INTS9: variants seen among roughly 807,000 people sequenced by gnomAD.
The protein encoded by INTS9 is protein related to CPSF subunits of 74 kDa.
A neutral mutation model predicts 79.7 loss-of-function variants in INTS9; 55 were observed. That is an observed-to-expected ratio of 0.69 (90% CI 0.56 to 0.86). The LOEUF is 0.86. Ranked by LOEUF, INTS9 falls within the 40% of genes least tolerant of loss-of-function variation. INTS9 has a pLI of 0.00. For missense variants in INTS9, 721 were observed against 831.5 expected, an observed-to-expected ratio of 0.87 and a Z score of 1.64; for synonymous variants, 319 against 325.2, an observed-to-expected ratio of 0.98 and a Z score of 0.20.
chr8:28,886,221 T>G (rs1810167463), intron 1 of INTS9, among the ~76,000 whole-genome samples: 1 of 152,210 alleles, frequency 6.6e-6, no homozygotes, highest in Non-Finnish European at 1.5e-5. Flanking sequence ...AAAAAATTTT[T>G]TTTTAACCAA....
At position 28,780,341 on chromosome 8, in the gene INTS9, C is replaced by G. The variant is rs116479237; in HGVS notation, c.1270+482G>C. On this transcript the variant is annotated intron_variant, in intron 12 of 16. Transcript: ENST00000521022. ...GACCTAGCATTCAAAGGGCTGGGCA[C>G]GCTACACTGATAAAATGATACAGTC... is the stretch of plus-strand genomic sequence containing the variant. The G allele has an allele frequency of 7.1e-6, 7 of 980,672 alleles. No individual in the cohort carries two copies. In the South Asian group the frequency reaches 1.4e-4, roughly 20 times the overall value. 60.7% of individuals were successfully genotyped at this position (980,672 alleles called of 1,614,324 possible). A position where few individuals can be genotyped will look rare whatever the true frequency, so the allele number is the denominator to read the frequency against.
At chr8:28,797,843 A>C (rs1804308932) in intron 8 of INTS9, among the ~76,000 whole-genome samples, 1 of 152,180 alleles carries the variant, frequency 6.6e-6, no homozygotes, top group Non-Finnish European at 1.5e-5. Context: ...TTTCTCTCCC[A>C]CCCAATTTCG....
At chr8:28,875,546 A>T (rs968818623) in intron 1 of INTS9, among the ~76,000 whole-genome samples, 1 of 152,058 alleles carries the variant, frequency 6.6e-6, no homozygotes, top group Non-Finnish European at 1.5e-5. Context: ...CAGGTTTGTT[A>T]CATAGGTAAA....
intron 6 of INTS9, among the ~76,000 whole-genome samples, chr8:28,827,957 C>T (rs1051401530): frequency 5.9e-5 from 9 of 152,102 alleles, no homozygotes; most frequent in African/African-American, 2.2e-4. Flanking sequence ...TCCTGGGAGT[C>T]TGGTGAGCAT....
At chr8:28,801,732 C>T (rs1420590767) in intron 8 of INTS9, among the ~76,000 whole-genome samples, 1 of 152,156 alleles carries the variant, frequency 6.6e-6, no homozygotes, top group Non-Finnish European at 1.5e-5. Context: ...CCCACCTCAG[C>T]TTCCCAAGTA....
chr8:28,772,514 A>G (rs767401429), intron 14 of INTS9, among the ~76,000 whole-genome samples: 1 of 152,082 alleles, frequency 6.6e-6, no homozygotes, highest in Non-Finnish European at 1.5e-5. Context: ...CTCCGTCTCA[A>G]AAAAAGACAT....
chr8:28,814,137 T>G (rs1460825647), intron 6 of INTS9, among the ~76,000 whole-genome samples: 1 of 151,922 alleles, frequency 6.6e-6, no homozygotes, highest in Non-Finnish European at 1.5e-5. Flanking sequence ...AGAAAAACGT[T>G]TTATCATTTG....
chr8:28,843,992 G>A (rs543958153), intron 4 of INTS9, among the ~76,000 whole-genome samples: 2 of 152,268 alleles, frequency 1.3e-5, no homozygotes, highest in African/African-American at 4.8e-5. Context: ...AGAACTGCGA[G>A]AGATCACTCT....
At chr8:28,832,805 T>C (rs2131162572) in intron 6 of INTS9, among the ~76,000 whole-genome samples, 1 of 151,522 alleles carries the variant, frequency 6.6e-6, no homozygotes, top group East Asian at 1.9e-4. Flanking sequence ...CTACTAAAAA[T>C]ACAAAAATTA....
intron 8 of INTS9, among the ~76,000 whole-genome samples, chr8:28,808,632 C>T (rs919468277): frequency 6.6e-6 from 1 of 152,192 alleles, no homozygotes; most frequent in African/African-American, 2.4e-5. Context: ...GTCCCTCTGC[C>T]AACTCTTCCT....
intron 2 of INTS9, among the ~76,000 whole-genome samples, chr8:28,850,574 C>G (rs1032549883): frequency 2.6e-5 from 4 of 152,098 alleles, no homozygotes; most frequent in Admixed American, 2.0e-4. Context: ...TATAATTGTC[C>G]AATCACCCTG....
At chr8:28,870,349 CTTTTTTTTTT>C (rs10580665) in intron 1 of INTS9, among the ~76,000 whole-genome samples, 1 of 80,576 alleles carries the variant, frequency 1.2e-5, no homozygotes, top group African/African-American at 4.8e-5. Flanking sequence ...CAGAAAAAAG[CTTTTTTTTTT>C]TTTTTTTTTT....
At chr8:28,845,401 G>C (rs1807450076) in intron 4 of INTS9, among the ~76,000 whole-genome samples, 2 of 152,108 alleles carry the variant, frequency 1.3e-5, no homozygotes, top group Middle Eastern at 3.2e-3. Context: ...ACTAATTTGT[G>C]CCCTAACATC....
intron 6 of INTS9, among the ~76,000 whole-genome samples, chr8:28,833,886 T>G (rs1272293661): frequency 1.3e-5 from 2 of 152,116 alleles, no homozygotes; most frequent in African/African-American, 2.4e-5. Flanking sequence ...ACCATGTTTC[T>G]CCTTACTTCA....
chr8:28,772,916 C>A (rs1367211504), intron 14 of INTS9, among the ~76,000 whole-genome samples: 1 of 152,196 alleles, frequency 6.6e-6, no homozygotes, highest in Non-Finnish European at 1.5e-5. Flanking sequence ...GGACAACATT[C>A]AATATTAGCA....
chr8:28,772,635 G>A (rs1802614523), intron 14 of INTS9, among the ~76,000 whole-genome samples: 2 of 147,206 alleles, frequency 1.4e-5, no homozygotes, highest in African/African-American at 4.9e-5. Flanking sequence ...GTGAAACCCT[G>A]TCTCTACTAA....
rs75767408 is a variant in INTS9, at chr8:28,781,944, G to A, written c.1099-950C>T. On this transcript the variant is annotated intron_variant, in intron 11 of 16. Coordinates refer to ENST00000521022, the MANE Select transcript of INTS9 (RefSeq NM_018250.4). ...ACTCTGGGCTTTGGGCGAGAGTGAC[G>A]TGTCAATGTGGGTTCATCAGCCGTA... is the stretch of plus-strand genomic sequence containing the variant. Among the ~76,000 whole-genome samples, 9 of 152,266 alleles carry A rather than the reference G, an allele frequency of 5.9e-5. No homozygotes were observed. The East Asian group carries it at 1.2e-3, about 20-fold the overall frequency.
chr8:28,880,589 G>A (rs1044419571), intron 1 of INTS9, among the ~76,000 whole-genome samples: 1 of 151,454 alleles, frequency 6.6e-6, no homozygotes, highest in African/African-American at 2.4e-5. Context: ...GGAGTGCAGC[G>A]GCGTGATCTC....
intron 6 of INTS9, among the ~76,000 whole-genome samples, chr8:28,815,161 A>G (rs1177075322): frequency 6.6e-6 from 1 of 152,208 alleles, no homozygotes; most frequent in Non-Finnish European, 1.5e-5. Flanking sequence ...GAAAAATAAG[A>G]TAGTATAGCT....
Sources: gnomAD v4.1 joint callset for allele counts (sites outside exome capture counted in the v4.1 genomes callset) on GRCh38, gnomAD v4.1.1 for gene constraint, MANE v1.5 for transcripts, NCBI Gene and HGNC (gene_info 2026-07-23, HGNC 2026-07-21) for gene names.